CDC37L1: variants seen among roughly 807,000 people sequenced by gnomAD.
The protein encoded by CDC37L1 is hsp90 co-chaperone Cdc37-like 1.
CDC37L1 carries 32 observed loss-of-function variants against 45.9 expected under a neutral mutation model. The observed-to-expected ratio is 0.70, with a 90% CI of 0.53 to 0.94. CDC37L1 has a LOEUF of 0.94. CDC37L1 is among the 40% of genes least tolerant of loss of function. The pLI, the probability that CDC37L1 is intolerant of heterozygous loss-of-function variation, is 0.00. For missense variants in CDC37L1, 434 were observed against 405.7 expected (o/e 1.07, Z -0.60); for synonymous variants, 150 against 133.0 (o/e 1.13, Z -0.88).
chr9:4,697,217 AT>A lies in CDC37L1; in HGVS notation c.624+8del. On this transcript the variant is annotated splice_region_variant and intron_variant, in intron 4 of 6. Transcript: ENST00000381854. Reference sequence around the variant, plus strand: ...TTCACCTGGAAGCTGAGAAGGTATTATTATGTGAACCTTGAGTTTCTGGGAA... The same window carrying A: ...TTCACCTGGAAGCTGAGAAGGTATTATATGTGAACCTTGAGTTTCTGGGAA... 1 of 1,245,246 alleles carries A rather than the reference AT, an allele frequency of 8.0e-7. No homozygotes were observed. Among genetic ancestry groups the A allele is most frequent in the Non-Finnish European group, 1.2e-6 (1 of 847,856 alleles). 77.1% of individuals were successfully genotyped at this position (1,245,246 alleles called of 1,614,324 possible).
chr9:4,680,759 G>C (rs1473916579), intron 1 of CDC37L1, among the ~76,000 whole-genome samples: 1 of 152,152 alleles, frequency 6.6e-6, no homozygotes, highest in Non-Finnish European at 1.5e-5. Context: ...ATATTCAATG[G>C]ATCATAAGTG....
intron 6 of CDC37L1, chr9:4,703,219 G>T: frequency 9.1e-7 from 1 of 1,098,120 alleles, no homozygotes; most frequent in Non-Finnish European, 1.2e-6. Flanking sequence ...CTAAAAATTG[G>T]GATTTTCAGT....
intron 4 of CDC37L1, 152 bp downstream of exon 4, chr9:4,697,363 ACTT>A: frequency 1.2e-5 from 7 of 603,604 alleles, no homozygotes. Context: ...TTCCAGATCT[ACTT>A]GAGTTTAATG....
Position 4,685,287 on chromosome 9 carries a change from G to T in CDC37L1, c.414+129G>T, listed in dbSNP as rs539655366. 1.8e-4 allele frequency: 141 copies of T among 762,426 alleles called. No individual in the cohort carries two copies. The African/African-American group carries it at 2.4e-3, about 13-fold the overall frequency. The allele number at this position is 762,426 out of a possible 1,614,324, so 47.2% of individuals were successfully genotyped here. A position where few individuals can be genotyped will look rare whatever the true frequency, so the allele number is the denominator to read the frequency against. ...GTTCAATTTTGACAGTTTATGAAAG[G>T]TGCTTGAAAAGTTTATGAAAGTCAA... On this transcript the variant is annotated intron_variant, in intron 2 of 6. Transcript: ENST00000381854.
chr9:4,692,006 T>C (rs2130848161), intron 3 of CDC37L1, among the ~76,000 whole-genome samples: 1 of 152,308 alleles, frequency 6.6e-6, no homozygotes, highest in Admixed American at 6.5e-5. Flanking sequence ...TCATCTTCAC[T>C]TTCAGCCAAA....
chr9:4,688,706 C>A, intron 3 of CDC37L1, 100 bp downstream of exon 3: 1 of 736,020 alleles, frequency 1.4e-6, no homozygotes, highest in Non-Finnish European at 2.1e-6. Flanking sequence ...AGAAAAGTGG[C>A]AAACTCCAAT....
intron 5 of CDC37L1, among the ~76,000 whole-genome samples, chr9:4,700,043 C>A (rs888894148): frequency 9.9e-5 from 15 of 151,350 alleles, no homozygotes; most frequent in Non-Finnish European, 1.8e-4. Flanking sequence ...ACTTAAATAC[C>A]CTAAACTCTT....
chr9:4,692,479 A>G (rs1841310469), intron 3 of CDC37L1, among the ~76,000 whole-genome samples: 1 of 152,114 alleles, frequency 6.6e-6, no homozygotes, highest in Non-Finnish European at 1.5e-5. Flanking sequence ...CATGTTGGCC[A>G]GGCTGGCCTT....
chr9:4,687,641 T>G (rs1406829096), intron 2 of CDC37L1, among the ~76,000 whole-genome samples: 1 of 136,506 alleles, frequency 7.3e-6, no homozygotes, highest in Non-Finnish European at 1.5e-5. Flanking sequence ...ATTGTGCCAC[T>G]GTACTCCAGC....
intron 2 of CDC37L1, among the ~76,000 whole-genome samples, chr9:4,686,754 A>G (rs551899971): frequency 2.6e-5 from 4 of 152,312 alleles, no homozygotes; most frequent in African/African-American, 9.6e-5. Flanking sequence ...GAGACTTGAG[A>G]GGACTGGTCT....
At chr9:4,699,804 C>T (rs1841380758) in intron 5 of CDC37L1, among the ~76,000 whole-genome samples, 2 of 152,060 alleles carry the variant, frequency 1.3e-5, no homozygotes. Context: ...GCTGAATAAA[C>T]TGTGCGCATA....
chr9:4,694,429 A>G (rs1655555461), intron 3 of CDC37L1, among the ~76,000 whole-genome samples: 1 of 152,226 alleles, frequency 6.6e-6, no homozygotes, highest in African/African-American at 2.4e-5. Context: ...AAAGGTCTGT[A>G]TCGACTACCT....
chr9:4,686,640 C>A (rs1410267730), intron 2 of CDC37L1, among the ~76,000 whole-genome samples: 1 of 152,122 alleles, frequency 6.6e-6, no homozygotes, highest in Non-Finnish European at 1.5e-5. Context: ...AACTTAGGTT[C>A]TAAGGTTCTA....
rs1841235121 is a variant in CDC37L1 at position 4,685,127 on chromosome 9, C to T, written c.383C>T (p.Thr128Met). 6.2e-6 allele frequency: 10 copies of T among 1,613,592 alleles called. No homozygotes were observed. Among genetic ancestry groups the T allele is most frequent in the South Asian group, 2.2e-5 (2 of 91,052 alleles). Residue 128 changes from threonine to methionine, a missense_variant, in exon 2 of 7, where the codon ACG becomes ATG. Thr to Met is a moderately conservative substitution (Grantham distance 81). Coordinates refer to ENST00000381854, the MANE Select transcript of CDC37L1 (RefSeq NM_017913.4). ...VQREKMCLWS[T>M]DAISKDVFNK... ...AGAGAGAAGATGTGTCTGTGGAGCA[C>T]GGATGCCATTAGCAAGGATGTTTTT...
In CDC37L1 at chr9:4,684,863, T is replaced by C. The variant is rs760580492; in HGVS notation, c.133-14T>C. On this transcript the variant is annotated splice_polypyrimidine_tract_variant and intron_variant, in intron 1 of 6. Coordinates refer to ENST00000381854, the MANE Select transcript of CDC37L1 (RefSeq NM_017913.4). The stretch of plus-strand genomic sequence containing the variant: ...TTGCTTTCTTCATTTCTTACAAATA[T>C]TGTTTTTATCCAGATGTATAGCCAT... 12 of 1,588,438 alleles carry C rather than the reference T, an allele frequency of 7.6e-6. No individual in the cohort carries two copies. The highest frequency in any genetic ancestry group is 3.4e-4 in the Middle Eastern group (2 of 5,946).
chr9:4,681,086 A>G (rs1841188195), intron 1 of CDC37L1, among the ~76,000 whole-genome samples: 1 of 152,222 alleles, frequency 6.6e-6, no homozygotes, highest in South Asian at 2.1e-4. Flanking sequence ...TGTCATCTTT[A>G]TATACAAAAT....
chr9:4,679,834 G>C lies in CDC37L1; in HGVS notation c.67G>C (p.Glu23Gln). The stretch of plus-strand genomic sequence containing the variant: ...TCGGGCCGAGGGTGAGGCTGAGGAA[G>C]AGAGTGACTTCGACGTGTTCCCCAG... ...LPRAEGEAEE[E>Q]SDFDVFPSSP... Residue 23 changes from glutamate (E) to glutamine (Q), a missense_variant, in exon 1 of 7, where the codon GAG becomes CAG. Transcript: ENST00000381854. The C allele has an allele frequency of 6.2e-7, 1 of 1,614,000 alleles. No homozygotes were observed. The highest frequency in any genetic ancestry group is 8.5e-7 in the Non-Finnish European group (1 of 1,179,974).
intron 5 of CDC37L1, among the ~76,000 whole-genome samples, chr9:4,700,903 G>C (rs1841390244): frequency 6.6e-6 from 1 of 152,180 alleles, no homozygotes; most frequent in South Asian, 2.1e-4. Context: ...GACAGCAATT[G>C]TGCCTCTTAA....
intron 3 of CDC37L1, among the ~76,000 whole-genome samples, chr9:4,692,155 A>G (rs1172687885): frequency 6.6e-6 from 1 of 151,988 alleles, no homozygotes; most frequent in Non-Finnish European, 1.5e-5. Context: ...CAACCTCTTC[A>G]ATGTAATTGT....
Sources: allele counts gnomAD v4.1 joint callset (sites outside exome capture counted in the v4.1 genomes callset), GRCh38; gene constraint gnomAD v4.1.1; transcripts MANE v1.5; gene names NCBI Gene and HGNC (gene_info 2026-07-23, HGNC 2026-07-21).